KCNIP4: variants seen among roughly 807,000 people sequenced by gnomAD.
The protein encoded by KCNIP4 is Kv channel-interacting protein 4.
In KCNIP4, 12 loss-of-function variants were observed where a neutral mutation model predicts 34.0. That is an observed-to-expected ratio of 0.35 (90% confidence interval 0.23 to 0.57). KCNIP4 has a LOEUF of 0.57. Ranked by LOEUF, KCNIP4 falls within the 20% of genes least tolerant of loss-of-function variation. KCNIP4 has a pLI of 0.83. For missense variants in KCNIP4, 238 were observed against 311.7 expected (o/e 0.76, Z 1.78); for synonymous variants, 124 against 102.2 (o/e 1.21, Z -1.29).
At chr4:20,759,088 G>A (rs1043500383) in intron 3 of KCNIP4, among the ~76,000 whole-genome samples, 198 bp from the exon 4 acceptor site, 4 of 152,114 alleles carry the variant, frequency 2.6e-5, no homozygotes, top group Non-Finnish European at 4.4e-5. Context: ...AAACGTAGAT[G>A]TAAATATCTT....
rs182693808 is a variant in KCNIP4, at chr4:21,020,846, G to A, written c.62-138137C>T. On this transcript the variant is annotated intron_variant, in intron 1 of 8. Transcript: ENST00000382152. ...GGTTAAGTAGCAAAGCCAAGGAGAA[G>A]TTGGGAGGAAGAGTTCCCAAATTGC... Among the ~76,000 whole-genome samples the A allele has an allele frequency of 4.3e-3, 654 of 152,278 alleles. 7 individuals are homozygous for A. Among genetic ancestry groups the A allele is most frequent in the Non-Finnish European group, 5.1e-3 (350 of 68,006 alleles).
intron 1 of KCNIP4, among the ~76,000 whole-genome samples, chr4:21,506,602 A>C (rs1216132614): frequency 6.6e-6 from 1 of 152,214 alleles, no homozygotes; most frequent in East Asian, 1.9e-4. Context: ...GAATAAATTC[A>C]GATGGTTTTC....
intron 1 of KCNIP4, among the ~76,000 whole-genome samples, chr4:21,057,813 T>C (rs1032820416): frequency 6.6e-6 from 1 of 152,230 alleles, no homozygotes. Flanking sequence ...AGAATTGTAA[T>C]GATAATGATG....
intron 5 of KCNIP4, among the ~76,000 whole-genome samples, chr4:20,748,920 AATAC>A (rs1409363480): frequency 3.1e-4 from 46 of 148,724 alleles, no homozygotes; most frequent in African/African-American, 1.1e-3. Context: ...ATATATATGA[AATAC>A]ATATATAAGC....
At chr4:21,869,014 C>T (rs1319582538) in intron 1 of KCNIP4, among the ~76,000 whole-genome samples, 1 of 152,162 alleles carries the variant, frequency 6.6e-6, no homozygotes, top group East Asian at 1.9e-4. Context: ...TTCACTTTCT[C>T]AGAACACTGA....
chr4:21,714,179 C>T (rs1713963536), intron 1 of KCNIP4, among the ~76,000 whole-genome samples: 1 of 152,058 alleles, frequency 6.6e-6, no homozygotes, highest in Non-Finnish European at 1.5e-5. Context: ...AAATTATAAA[C>T]TCTCTCTCAA....
chr4:21,514,461 T>G (rs1315585122), intron 1 of KCNIP4, among the ~76,000 whole-genome samples: 1 of 152,078 alleles, frequency 6.6e-6, no homozygotes, highest in Admixed American at 6.6e-5. Context: ...ATCCACACAA[T>G]AAAATATAAC....
Position 21,778,224 on chromosome 4 carries a change from C to CTTTTTTTTTTTTTTTTTTTTTTTT in KCNIP4, c.61+170346_61+170347insAAAAAAAAAAAAAAAAAAAAAAAA, listed in dbSNP as rs757351209. Among the ~76,000 whole-genome samples, 3 of 102,390 alleles carry CTTTTTTTTTTTTTTTTTTTTTTTT rather than the reference C, an allele frequency of 2.9e-5. 1 individual carries two copies. The highest frequency in any genetic ancestry group is 1.9e-5 in the Non-Finnish European group (1 of 53,840). The allele number at this position is 102,390 out of a possible 152,430, so 67.2% of individuals were successfully genotyped here. A position where few individuals can be genotyped will look rare whatever the true frequency, so the allele number is the denominator to read the frequency against. On this transcript the variant is annotated intron_variant, in intron 1 of 8. Transcript: ENST00000382152. ...TTATTTGTTTCTTTTTCCTTTTTTC[C>CTTTTTTTTTTTTTTTTTTTTTTTT]TTTTTTTTTTTCTTTTTTTTTTTTT...
intron 1 of KCNIP4, among the ~76,000 whole-genome samples, chr4:21,068,747 C>T (rs1744635073): frequency 6.6e-6 from 1 of 152,090 alleles, no homozygotes; most frequent in Non-Finnish European, 1.5e-5. Context: ...ATAGTACTTG[C>T]CACCATAAAA....
At chr4:20,895,174 T>A (rs1726370429) in intron 1 of KCNIP4, among the ~76,000 whole-genome samples, 1 of 152,234 alleles carries the variant, frequency 6.6e-6, no homozygotes, top group African/African-American at 2.4e-5. Context: ...GTGTAGTTTC[T>A]AGCTGCAGAA....
At chr4:21,739,382 C>T (rs1382567449) in intron 1 of KCNIP4, among the ~76,000 whole-genome samples, 1 of 151,964 alleles carries the variant, frequency 6.6e-6, no homozygotes, top group Non-Finnish European at 1.5e-5. Context: ...TAAAAGCTAT[C>T]TTCAGGATTT....
At chr4:20,785,534 T>G (rs1041806362) in intron 3 of KCNIP4, among the ~76,000 whole-genome samples, 2 of 152,050 alleles carry the variant, frequency 1.3e-5, no homozygotes, top group Non-Finnish European at 2.9e-5. Flanking sequence ...AACTCAGATC[T>G]TTGGAGCTTG....
At chr4:21,725,398 G>A (rs1029162500) in intron 1 of KCNIP4, among the ~76,000 whole-genome samples, 2 of 152,100 alleles carry the variant, frequency 1.3e-5, no homozygotes, top group Non-Finnish European at 2.9e-5. Context: ...CAATGGAGAA[G>A]AGGCAAGGAA....
chr4:21,815,618 A>C (rs915369770), intron 1 of KCNIP4, among the ~76,000 whole-genome samples: 5 of 152,178 alleles, frequency 3.3e-5, no homozygotes, highest in Non-Finnish European at 5.9e-5. Context: ...CTACAAGTAC[A>C]TACCAAGACA....
At chr4:21,423,952 C>T (rs554802929) in intron 1 of KCNIP4, among the ~76,000 whole-genome samples, 4 of 151,492 alleles carry the variant, frequency 2.6e-5, no homozygotes, top group South Asian at 2.1e-4. Context: ...GGATTACAGG[C>T]GCGCGCCACC....
intron 1 of KCNIP4, among the ~76,000 whole-genome samples, chr4:21,658,087 C>G (rs1748119201): frequency 6.6e-6 from 1 of 152,112 alleles, no homozygotes. Flanking sequence ...ATCCTCCCGC[C>G]TTGGCCTCCC....
intron 4 of KCNIP4, among the ~76,000 whole-genome samples, chr4:20,754,334 C>G (rs1754140634): frequency 6.6e-6 from 1 of 152,106 alleles, no homozygotes. Context: ...AAAGCACTTT[C>G]CTGGAGGAAA....
chr4:21,744,223 T>G (rs993810631), intron 1 of KCNIP4, among the ~76,000 whole-genome samples: 1 of 152,182 alleles, frequency 6.6e-6, no homozygotes, highest in Non-Finnish European at 1.5e-5. Context: ...TGCTCATGAT[T>G]CACCCTCTGC....
chr4:20,835,417 C>T (rs977927242), intron 3 of KCNIP4, among the ~76,000 whole-genome samples: 3 of 152,060 alleles, frequency 2.0e-5, no homozygotes, highest in African/African-American at 7.2e-5. Context: ...TCGGAGAGGT[C>T]ACTTAACAAT....
Sources: gnomAD v4.1 joint callset for allele counts (sites outside exome capture counted in the v4.1 genomes callset) on GRCh38, gnomAD v4.1.1 for gene constraint, MANE v1.5 for transcripts, NCBI Gene and HGNC (gene_info 2026-07-23, HGNC 2026-07-21) for gene names.